Variants in PLCB4 observed in about 807,000 individuals in gnomAD.
The protein encoded by PLCB4 is 1-phosphatidylinositol 4,5-bisphosphate phosphodiesterase beta-4.
PLCB4 carries 77 observed loss-of-function variants against 178.8 expected under a neutral mutation model. That is an observed-to-expected ratio of 0.43 (90% CI 0.36 to 0.52). The LOEUF (loss-of-function observed/expected upper bound fraction) is 0.52. Ranked by LOEUF, PLCB4 falls within the 20% of genes least tolerant of loss-of-function variation. PLCB4 has a pLI of 0.00. For missense variants in PLCB4, 1,024 were observed against 1,453.4 expected, an observed-to-expected ratio of 0.70 and a Z score of 4.80; for synonymous variants, 496 against 490.8, an observed-to-expected ratio of 1.01 and a Z score of -0.14.
intron 28 of PLCB4, among the ~76,000 whole-genome samples, chr20:9,429,755 A>G (rs1162307812): frequency 6.6e-6 from 1 of 152,180 alleles, no homozygotes; most frequent in Non-Finnish European, 1.5e-5. Flanking sequence ...TGGCCAGTGG[A>G]GAAACTGAAT....
chr20:9,420,150 T>A (rs1186191513), intron 26 of PLCB4, among the ~76,000 whole-genome samples: 1 of 152,140 alleles, frequency 6.6e-6, no homozygotes, highest in Non-Finnish European at 1.5e-5. Flanking sequence ...TACAAAATTC[T>A]AGAAAATGCA....
chr20:9,339,088 G>A (rs2032867662), intron 7 of PLCB4, 51 bp downstream of exon 7: 1 of 1,420,382 alleles, frequency 7.0e-7, no homozygotes, highest in Non-Finnish European at 9.7e-7. Flanking sequence ...TATATATGTT[G>A]TGTGTTTAAT....
In PLCB4 at chr20:9,444,197, A is replaced by G; in HGVS notation, c.2834A>G (p.Lys945Arg). 1 of 1,604,290 alleles carries G rather than the reference A, an allele frequency of 6.2e-7. No homozygotes were observed. Among genetic ancestry groups the G allele is most frequent in the Non-Finnish European group, 8.5e-7 (1 of 1,172,078 alleles). ...CCAAAGGCTTACTTGAAGCATTTAA[A>G]GAAACAGCAGAAGGAGCTAAATTCT... is the stretch of plus-strand genomic sequence containing the variant. ...KQMKAYLKHL[K>R]KQQKELNSLK... is the part of the protein sequence containing the mutation. The change falls in exon 32 of 40, where the codon AAG becomes AGG. Residue 945 changes from lysine (K) to arginine (R), a missense_variant. Around this residue, in one of 7 missense-constraint regions of PLCB4, gnomAD observed 227 missense variants for 374.3 expected, o/e 0.61. Transcript: ENST00000378473.
rs138094831 is a variant in PLCB4, at chr20:9,089,698, G to A, written c.-134-6589G>A. 3.7e-4 allele frequency among the ~76,000 whole-genome samples: 56 copies of A among 152,196 alleles called. 1 individual carries two copies. Among genetic ancestry groups the A allele is most frequent in the African/African-American group, 1.3e-3 (55 of 41,538 alleles). ...TAATATAACTCCTAAAGCTTTATTT[G>A]TAGACTAGATATTTGTATACTATTT... On this transcript the variant is annotated intron_variant, in intron 1 of 39. Transcript: ENST00000378473.
intron 2 of PLCB4, among the ~76,000 whole-genome samples, chr20:9,185,068 G>T (rs538049692): frequency 6.6e-6 from 1 of 152,176 alleles, no homozygotes; most frequent in African/African-American, 2.4e-5. Context: ...GACTACAGGT[G>T]TGTGCCACCA....
intron 7 of PLCB4, among the ~76,000 whole-genome samples, chr20:9,342,995 T>C (rs538132419): frequency 1.3e-5 from 2 of 152,296 alleles, no homozygotes; most frequent in Admixed American, 1.3e-4. Context: ...TAACCCATGG[T>C]AGACATGTAA....
chr20:9,117,374 T>TC (rs1214468916), intron 2 of PLCB4, among the ~76,000 whole-genome samples: 2 of 152,170 alleles, frequency 1.3e-5, no homozygotes, highest in Non-Finnish European at 2.9e-5. Flanking sequence ...AAGCTTTAAA[T>TC]CCTTTTACAC....
In PLCB4 at chr20:9,103,198, A is replaced by G. The variant is rs186913262; in HGVS notation, c.-79+6856A>G. Among the ~76,000 whole-genome samples, 46 of 152,088 alleles carry G rather than the reference A, an allele frequency of 3.0e-4. No individual in the cohort carries two copies. The South Asian group carries it at 6.9e-3, about 23-fold the overall frequency. ...CTACTCCAGTATGGAGTGCTTCTCA[A>G]ACTTTTTGGTCTAAGACCCTTCTAT... On this transcript the variant is annotated intron_variant, in intron 2 of 39. Coordinates refer to ENST00000378473, the MANE Select transcript of PLCB4 (RefSeq NM_001377142.1).
chr20:9,203,040 T>TAAAAAA (rs58109957), intron 2 of PLCB4, among the ~76,000 whole-genome samples: 1 of 111,532 alleles, frequency 9.0e-6, no homozygotes, highest in African/African-American at 3.6e-5. Flanking sequence ...TTGTCTTTGG[T>TAAAAAA]AAAAAAAAAA....
rs937807770 is a variant in PLCB4 at position 9,409,552 on chromosome 20, C to T, written c.1999+371C>T. ...TTTGAGTATCTTTGTACAGTAACAGCGACTCATTTCTCCTTTGGCAAACAC... is the reference window on the plus strand; with the variant it reads ...TTTGAGTATCTTTGTACAGTAACAGTGACTCATTTCTCCTTTGGCAAACAC... On this transcript the variant is annotated intron_variant, in intron 24 of 39. Transcript: ENST00000378473. Among the ~76,000 whole-genome samples, 16 of 152,240 alleles carry T rather than the reference C, an allele frequency of 1.1e-4. 1 individual carries two copies. The highest frequency in any genetic ancestry group is 8.3e-4 in the South Asian group (4 of 4,818).
chr20:9,370,420 T>C (rs906518985), intron 9 of PLCB4, among the ~76,000 whole-genome samples: 5 of 152,134 alleles, frequency 3.3e-5, no homozygotes, highest in Admixed American at 6.5e-5. Flanking sequence ...GTGTCAACTG[T>C]GGTTAAGTGT....
At chr20:9,072,146 C>T (rs1203075583) in intron 1 of PLCB4, among the ~76,000 whole-genome samples, 2 of 152,306 alleles carry the variant, frequency 1.3e-5, no homozygotes, top group Admixed American at 6.5e-5. Flanking sequence ...TACAGCTTTT[C>T]ATCGCTGGTG....
intron 4 of PLCB4, among the ~76,000 whole-genome samples, chr20:9,316,461 T>G (rs1389406694): frequency 6.6e-6 from 1 of 152,108 alleles, no homozygotes; most frequent in East Asian, 1.9e-4. Context: ...CAAAGGATGA[T>G]TCGTAGGCGG....
chr20:9,430,338 T>C (rs779918402), intron 28 of PLCB4, among the ~76,000 whole-genome samples: 1 of 152,260 alleles, frequency 6.6e-6, no homozygotes, highest in Non-Finnish European at 1.5e-5. Context: ...TTTTTTGTCT[T>C]ATCTGATTTA....
intron 23 of PLCB4, 123 bp from the exon 24 acceptor site, chr20:9,408,934 A>G: frequency 2.3e-6 from 2 of 867,178 alleles, no homozygotes; most frequent in South Asian, 3.1e-5. Flanking sequence ...TAAATGTGAA[A>G]TCTGCTCTGT....
At chr20:9,349,439 T>C (rs2034129080) in intron 7 of PLCB4, among the ~76,000 whole-genome samples, 1 of 152,226 alleles carries the variant, frequency 6.6e-6, no homozygotes, top group South Asian at 2.1e-4. Flanking sequence ...TTAAAACTTT[T>C]TCTTAGGTTT....
At chr20:9,094,770 GT>G in intron 1 of PLCB4, among the ~76,000 whole-genome samples, 1 of 152,276 alleles carries the variant, frequency 6.6e-6, no homozygotes, top group African/African-American at 2.4e-5. Flanking sequence ...CACCCCAGTT[GT>G]TACTATGTCA....
intron 5 of PLCB4, 104 bp downstream of exon 5, chr20:9,337,310 AT>A: frequency 1.3e-6 from 1 of 779,942 alleles, no homozygotes; most frequent in South Asian, 1.5e-5. Flanking sequence ...ACCCTTATTC[AT>A]TCATTCAAGA....
chr20:9,091,029 G>A (rs1262657797), intron 1 of PLCB4, among the ~76,000 whole-genome samples: 2 of 152,030 alleles, frequency 1.3e-5, no homozygotes, highest in Admixed American at 1.3e-4. Flanking sequence ...GACACAGTGG[G>A]TTTTATTTGT....
Sources: gnomAD v4.1 joint callset for allele counts (sites outside exome capture counted in the v4.1 genomes callset) on GRCh38, gnomAD v4.1.1 for gene constraint, gnomAD v4.1.1 regional missense constraint, MANE v1.5 for transcripts, NCBI Gene and HGNC (gene_info 2026-07-23, HGNC 2026-07-21) for gene names.